Variants in PHACTR4 observed in about 807,000 individuals in gnomAD.
The protein encoded by PHACTR4 is phosphatase and actin regulator 4.
A neutral mutation model predicts 72.7 loss-of-function variants in PHACTR4; 51 were observed. The observed-to-expected ratio is 0.70, with a 90% confidence interval of 0.56 to 0.89. The LOEUF (loss-of-function observed/expected upper bound fraction) is 0.89. Ranked by LOEUF, PHACTR4 falls within the 40% of genes least tolerant of loss-of-function variation. PHACTR4 has a pLI of 0.00. For synonymous variants in PHACTR4, 255 were observed against 302.5 expected (o/e 0.84, Z 1.63); for missense variants, 731 against 861.8 (o/e 0.85, Z 1.90).
At chr1:28,404,157 C>G (rs1486506111) in intron 1 of PHACTR4, among the ~76,000 whole-genome samples, 6 of 151,984 alleles carry the variant, frequency 3.9e-5, no homozygotes, top group African/African-American at 1.5e-4. Flanking sequence ...ACCATGTTGG[C>G]TAGGCTTGTC....
chr1:28,377,039 C>A (rs1651734147), intron 1 of PHACTR4, among the ~76,000 whole-genome samples: 1 of 152,042 alleles, frequency 6.6e-6, no homozygotes, highest in Admixed American at 6.6e-5. Flanking sequence ...AAGCGATTCT[C>A]CAGCCTCAGC....
intron 2 of PHACTR4, among the ~76,000 whole-genome samples, chr1:28,411,521 A>G (rs920539008): frequency 3.9e-5 from 6 of 152,314 alleles, no homozygotes; most frequent in African/African-American, 1.4e-4. Flanking sequence ...TACTATACAT[A>G]TACACACATA....
chr1:28,487,734 T>G (rs1279513453), intron 9 of PHACTR4, among the ~76,000 whole-genome samples: 4 of 130,360 alleles, frequency 3.1e-5, no homozygotes, highest in East Asian at 4.2e-4. Context: ...GTTGTTTTTT[T>G]TTTTTTTTTT....
intron 2 of PHACTR4, among the ~76,000 whole-genome samples, chr1:28,454,270 C>CTTTTTTTTTT (rs945039969): frequency 3.2e-5 from 3 of 95,086 alleles, no homozygotes; most frequent in African/African-American, 8.8e-5. Context: ...ATCACTTTGT[C>CTTTTTTTTTT]TTTTTTTTTT....
At chr1:28,486,083 GTGGTGGCTC>G (rs1570104226) in intron 9 of PHACTR4, among the ~76,000 whole-genome samples, 1 of 152,090 alleles carries the variant, frequency 6.6e-6, no homozygotes, top group East Asian at 1.9e-4. Context: ...AAGGCCGGGT[GTGGTGGCTC>G]ACCCCTGTAA....
intron 1 of PHACTR4, among the ~76,000 whole-genome samples, chr1:28,385,787 G>A (rs1186975786): frequency 6.6e-6 from 1 of 150,504 alleles, no homozygotes; most frequent in Admixed American, 6.6e-5. Flanking sequence ...AGCTAATTTT[G>A]TATTTTTAGT....
intron 2 of PHACTR4, among the ~76,000 whole-genome samples, chr1:28,430,485 T>C (rs1473398988): frequency 2.0e-5 from 3 of 152,190 alleles, no homozygotes; most frequent in Non-Finnish European, 4.4e-5. Flanking sequence ...GCACATGTTA[T>C]CAATTGTAGG....
chr1:28,426,310 A>G (rs868863018), intron 2 of PHACTR4, among the ~76,000 whole-genome samples: 1 of 152,142 alleles, frequency 6.6e-6, no homozygotes, highest in African/African-American at 2.4e-5. Context: ...TCTTCAGCGC[A>G]TACTACCAAT....
chr1:28,372,102 C>G lies in PHACTR4; in HGVS notation c.-39+2277C>G, dbSNP rs573968931. ...GTTTCACCGTGTTGGCCAGGCTGGTCTGGAACTCCTGACCTAAAGTAATTT... is the reference window on the plus strand; with the variant it reads ...GTTTCACCGTGTTGGCCAGGCTGGTGTGGAACTCCTGACCTAAAGTAATTT... On this transcript the variant is annotated intron_variant, in intron 1 of 13. Coordinates refer to ENST00000373839, the MANE Select transcript of PHACTR4 (RefSeq NM_001048183.3). Among the ~76,000 whole-genome samples the G allele has an allele frequency of 1.5e-4, 22 of 150,806 alleles. No individual in the cohort carries two copies. The South Asian group carries it at 4.4e-3, about 30-fold the overall frequency.
In PHACTR4 at chr1:28,496,868, C is replaced by A. The variant is rs1387263680; in HGVS notation, c.*319C>A. On this transcript the variant is annotated 3_prime_UTR_variant, in exon 14 of 14. Transcript: ENST00000373839. ...TTACTGGCTGCACCACACCCCTTCC[C>A]CTAGATGACTGCCTGTGCAGAGACA... The A allele has an allele frequency of 4.4e-6, 2 of 451,758 alleles. No individual in the cohort carries two copies. Among genetic ancestry groups the A allele is most frequent in the African/African-American group, 2.0e-5 (1 of 50,412 alleles). 28.0% of individuals were successfully genotyped at this position (451,758 alleles called of 1,614,324 possible).
intron 8 of PHACTR4, among the ~76,000 whole-genome samples, chr1:28,479,453 G>T (rs1333172345): frequency 6.6e-6 from 1 of 150,636 alleles, no homozygotes; most frequent in Non-Finnish European, 1.5e-5. Context: ...CATGGTGACA[G>T]GCACCTGTAA....
At chr1:28,374,318 T>G (rs1651476275) in intron 1 of PHACTR4, among the ~76,000 whole-genome samples, 1 of 152,218 alleles carries the variant, frequency 6.6e-6, no homozygotes, top group South Asian at 2.1e-4. Flanking sequence ...ATACTGTACT[T>G]TTTTAGTCAG....
chr1:28,459,453 G>T (rs1658648108), intron 3 of PHACTR4, among the ~76,000 whole-genome samples, 195 bp downstream of exon 3: 1 of 140,022 alleles, frequency 7.1e-6, no homozygotes, highest in South Asian at 2.3e-4. Flanking sequence ...CCAGGCTAGA[G>T]TACAGTGGCG....
chr1:28,413,313 C>G (rs891576435), intron 2 of PHACTR4, among the ~76,000 whole-genome samples: 1 of 152,138 alleles, frequency 6.6e-6, no homozygotes, highest in Non-Finnish European at 1.5e-5. Flanking sequence ...TGACAGCTTT[C>G]AATATATCTC....
chr1:28,484,465 T>C (rs1449253187), intron 9 of PHACTR4, among the ~76,000 whole-genome samples: 2 of 151,214 alleles, frequency 1.3e-5, no homozygotes, highest in Non-Finnish European at 3.0e-5. Flanking sequence ...ATATATTTAA[T>C]ATATGTGTGT....
chr1:28,438,375 C>A, intron 2 of PHACTR4: 1 of 1,610,874 alleles, frequency 6.2e-7, no homozygotes, highest in South Asian at 1.1e-5. Flanking sequence ...ATACATCAGA[C>A]AATATAATCA....
chr1:28,467,024 C>T (rs895675071), intron 6 of PHACTR4: 8 of 371,504 alleles, frequency 2.2e-5, no homozygotes, highest in Non-Finnish European at 3.4e-5. Context: ...ACCATCCTGG[C>T]AACATGGTGA....
chr1:28,453,671 AG>A, intron 2 of PHACTR4: 1 of 1,289,438 alleles, frequency 7.8e-7, no homozygotes, highest in East Asian at 2.4e-5. Flanking sequence ...TCAGATTGAA[AG>A]ATGGACCCGT....
chr1:28,465,104 A>G (rs1408351877), intron 4 of PHACTR4, among the ~76,000 whole-genome samples: 1 of 152,184 alleles, frequency 6.6e-6, no homozygotes, highest in African/African-American at 2.4e-5. Context: ...GCATCCAGAT[A>G]ATCTAGATCT....
Sources: gnomAD v4.1 joint callset for allele counts (sites outside exome capture counted in the v4.1 genomes callset) on GRCh38, gnomAD v4.1.1 for gene constraint, MANE v1.5 for transcripts, NCBI Gene and HGNC (gene_info 2026-07-23, HGNC 2026-07-21) for gene names.